ZNF346: variants seen among roughly 807,000 people sequenced by gnomAD.
ZNF346 encodes double-stranded RNA-binding zinc finger protein JAZ.
ZNF346 carries 23 observed loss-of-function variants against 33.7 expected under a neutral mutation model. The ratio of observed to expected loss-of-function variants is 0.68; its 90% confidence interval spans 0.49 to 0.97. The LOEUF (loss-of-function observed/expected upper bound fraction) is 0.97. Ranked by LOEUF, ZNF346 falls within the 50% of genes least tolerant of loss-of-function variation. The pLI is 0.00. For synonymous variants in ZNF346, 134 were observed against 142.4 expected (o/e 0.94, Z 0.42); for missense variants, 340 against 371.1 (o/e 0.92, Z 0.69).
Position 177,064,584 on chromosome 5 carries a change from C to G in ZNF346, c.870C>G (p.Thr290=). The G allele has an allele frequency of 6.2e-7, 1 of 1,614,104 alleles. No homozygotes were observed. Among genetic ancestry groups the G allele is most frequent in the East Asian group, 2.2e-5 (1 of 44,888 alleles). The change falls in exon 7 of 7, where the codon ACC becomes ACG. Residue 290 remains threonine (T), a synonymous_variant. Coordinates refer to ENST00000358149, the MANE Select transcript of ZNF346 (RefSeq NM_012279.4). The part of the protein sequence containing the change: ...MQRQPIQKDS[T]TLED ...GGCAACCCATTCAGAAAGACTCAACCACCTTGGAAGACTAGAGGTGATTCT... is the reference window on the plus strand; with the variant it reads ...GGCAACCCATTCAGAAAGACTCAACGACCTTGGAAGACTAGAGGTGATTCT...
rs139242738 is a variant in ZNF346 at position 177,035,183 on chromosome 5, A to T, written c.176-5943A>T. Among the ~76,000 whole-genome samples the T allele has an allele frequency of 5.3e-3, 810 of 151,836 alleles. 10 individuals carry two copies. The highest frequency in any genetic ancestry group is 0.016 in the African/African-American group (667 of 41,416). ...AGGCACATAGCACCATGCCTGCCTA[A>T]TTTTTTTATTTTTGGTGGAGACGGG... On this transcript the variant is annotated intron_variant, in intron 1 of 6. Transcript: ENST00000358149.
At chr5:177,060,876 C>T (rs113120176) in intron 5 of ZNF346, among the ~76,000 whole-genome samples, 19,635 of 151,914 alleles carry the variant, frequency 0.13, 2,957 homozygotes, top group African/African-American at 0.37. Context: ...TTTGGGAGGC[C>T]GAGGCGGGTG....
chr5:177,062,747 C>T (rs1353690584), intron 6 of ZNF346, among the ~76,000 whole-genome samples: 1 of 152,172 alleles, frequency 6.6e-6, no homozygotes, highest in African/African-American at 2.4e-5. Flanking sequence ...TTCATTGAGC[C>T]CCTCTTCTGT....
downstream of ZNF346, among the ~76,000 whole-genome samples, chr5:177,071,020 A>G (rs1379015981): frequency 6.6e-6 from 1 of 152,206 alleles, no homozygotes; most frequent in Non-Finnish European, 1.5e-5. Context: ...GTTTGAATAT[A>G]ACAACCCACC....
rs542187580 is a variant in ZNF346, at chr5:177,040,454, C to T, written c.176-672C>T. ...CTGCCTCCTGGGTTCAAACAATTCT[C>T]CTGCCTCAGCCTCCCGAGTAGCTGG... On this transcript the variant is annotated intron_variant, in intron 1 of 6. Coordinates refer to ENST00000358149, the MANE Select transcript of ZNF346 (RefSeq NM_012279.4). Among the ~76,000 whole-genome samples, 165 of 152,224 alleles carry T rather than the reference C, an allele frequency of 1.1e-3. 1 individual carries two copies. Among genetic ancestry groups the T allele is most frequent in the African/African-American group, 3.7e-3 (152 of 41,560 alleles).
At chr5:177,073,219 G>A (rs1187468969) in intron 8 of ZNF346, among the ~76,000 whole-genome samples, 2 of 152,202 alleles carry the variant, frequency 1.3e-5, no homozygotes, top group East Asian at 1.9e-4. Flanking sequence ...ATAACTGCTT[G>A]GTGATTGAAT....
rs1783039681 is a variant in ZNF346, at chr5:177,065,198, G to A, written c.*599G>A. The A allele has an allele frequency of 6.5e-6, 1 of 153,468 alleles. No individual in the cohort carries two copies. Among genetic ancestry groups the A allele is most frequent in the Non-Finnish European group, 1.5e-5 (1 of 68,782 alleles). 9.5% of individuals were successfully genotyped at this position (153,468 alleles called of 1,614,324 possible). ...CTCCTGGAGCAGTGACACAATCTTG[G>A]CGGAGCATTGCTACCCCCGCTGCCC... On this transcript the variant is annotated 3_prime_UTR_variant, in exon 7 of 7. Transcript: ENST00000358149.
At chr5:177,076,335 C>G in intron 8 of ZNF346, among the ~76,000 whole-genome samples, 1 of 152,318 alleles carries the variant, frequency 6.6e-6, no homozygotes, top group Admixed American at 6.5e-5. Context: ...CTTTGGTTGG[C>G]CAAATTTTAG....
intron 1 of ZNF346, among the ~76,000 whole-genome samples, chr5:177,028,493 G>A (rs1165335846): frequency 4.0e-5 from 2 of 50,600 alleles, no homozygotes; most frequent in Non-Finnish European, 8.9e-5. Context: ...CACTTGTGAC[G>A]TTTTATATAT....
chr5:177,063,330 A>C (rs1562034714), intron 6 of ZNF346, among the ~76,000 whole-genome samples: 1 of 152,190 alleles, frequency 6.6e-6, no homozygotes, highest in Non-Finnish European at 1.5e-5. Flanking sequence ...CATTGAGCTG[A>C]ATGATTTAAA....
intron 8 of ZNF346, among the ~76,000 whole-genome samples, chr5:177,075,122 C>T (rs1035516384): frequency 3.5e-4 from 53 of 151,884 alleles, no homozygotes; most frequent in Non-Finnish European, 7.1e-4. Flanking sequence ...ACATTTTGGC[C>T]GGGCATGGTG....
chr5:177,032,115 G>T (rs533027748), intron 1 of ZNF346, among the ~76,000 whole-genome samples: 36 of 137,692 alleles, frequency 2.6e-4, no homozygotes, highest in African/African-American at 8.3e-4. Flanking sequence ...CAATTCTCCT[G>T]CCTCAGCCTC....
intron 4 of ZNF346, among the ~76,000 whole-genome samples, chr5:177,048,446 A>G (rs1391464652): frequency 6.6e-6 from 1 of 152,070 alleles, no homozygotes; most frequent in Non-Finnish European, 1.5e-5. Flanking sequence ...ACATGGAGAA[A>G]CCCCATCTCT....
chr5:177,041,915 C>A, intron 3 of ZNF346, 45 bp downstream of exon 3: 3 of 1,331,492 alleles, frequency 2.3e-6, no homozygotes, highest in Non-Finnish European at 3.2e-6. Context: ...ATGATGAAGC[C>A]AGCCAGCAGG....
chr5:177,053,865 T>C (rs559648572), intron 5 of ZNF346, among the ~76,000 whole-genome samples: 1 of 152,286 alleles, frequency 6.6e-6, no homozygotes, highest in Admixed American at 6.5e-5. Flanking sequence ...ATATCTGAAA[T>C]GGTGGATAAT....
intron 1 of ZNF346, among the ~76,000 whole-genome samples, chr5:177,030,539 C>G (rs535526126): frequency 6.6e-6 from 1 of 152,092 alleles, no homozygotes; most frequent in South Asian, 2.1e-4. Context: ...GATTTCCTGA[C>G]CTCGTGATCC....
intron 1 of ZNF346, among the ~76,000 whole-genome samples, chr5:177,024,138 C>T (rs1399507734): frequency 8.8e-6 from 1 of 113,246 alleles, no homozygotes; most frequent in Non-Finnish European, 1.6e-5. Context: ...TTTATATACA[C>T]TTGTAAGTAT....
At chr5:177,050,560 G>A in intron 4 of ZNF346, 191 bp from the exon 5 acceptor site, 1 of 622,728 alleles carries the variant, frequency 1.6e-6, no homozygotes, top group Non-Finnish European at 2.8e-6. Flanking sequence ...ATTAGAGAAT[G>A]CATTCACCTG....
chr5:177,034,682 G>T (rs1195844473), intron 1 of ZNF346, among the ~76,000 whole-genome samples: 1 of 152,168 alleles, frequency 6.6e-6, no homozygotes, highest in East Asian at 1.9e-4. Context: ...CTATCATGTG[G>T]ATATAAATTA....
Sources: allele counts gnomAD v4.1 joint callset (sites outside exome capture counted in the v4.1 genomes callset), GRCh38; gene constraint gnomAD v4.1.1; transcripts MANE v1.5; gene names NCBI Gene and HGNC (gene_info 2026-07-23, HGNC 2026-07-21).